ZNF678: variants seen among roughly 807,000 people sequenced by gnomAD.
ZNF678 encodes hypothetical protein MGC42493.
ZNF678 carries 5 observed loss-of-function variants against 3.0 expected under a neutral mutation model. That is an observed-to-expected ratio of 1.69 (90% confidence interval 0.88 to 3.56). The LOEUF is 3.56. Among genes scored for constraint, ZNF678 ranks in the 30% most tolerant of loss-of-function variants. The probability of loss-of-function intolerance (pLI) is 0.00; values close to 1 mark genes in which losing one functional copy is unlikely to be tolerated. For synonymous variants in ZNF678, 218 were observed against 199.6 expected (o/e 1.09, Z -0.78); for missense variants, 593 against 605.0 (o/e 0.98, Z 0.21).
intron 1 of ZNF678, among the ~76,000 whole-genome samples, chr1:227,571,838 C>T (rs568253286): frequency 3.4e-4 from 51 of 152,222 alleles, no homozygotes; most frequent in Admixed American, 2.0e-3. Flanking sequence ...GTCAGGAGAT[C>T]GAGACCATCC....
At chr1:227,630,287 T>C (rs1571899557) in intron 1 of ZNF678, among the ~76,000 whole-genome samples, 1 of 152,290 alleles carries the variant, frequency 6.6e-6, no homozygotes, top group Non-Finnish European at 1.5e-5. Flanking sequence ...TCCTTCTAGC[T>C]TGCAAGTTAG....
chr1:227,609,880 C>T (rs556389894), intron 1 of ZNF678, among the ~76,000 whole-genome samples: 9 of 152,090 alleles, frequency 5.9e-5, no homozygotes, highest in African/African-American at 1.9e-4. Flanking sequence ...ACTACAGGCG[C>T]GTGCCACCAC....
intron 1 of ZNF678, among the ~76,000 whole-genome samples, chr1:227,642,361 A>G (rs1232076340): frequency 6.6e-6 from 1 of 152,170 alleles, no homozygotes; most frequent in South Asian, 2.1e-4. Context: ...TCTTTTGGAG[A>G]GTAAAGCCTA....
chr1:227,633,151 G>T (rs1658592226), intron 1 of ZNF678, among the ~76,000 whole-genome samples: 2 of 152,198 alleles, frequency 1.3e-5, no homozygotes, highest in Non-Finnish European at 2.9e-5. Flanking sequence ...TCATTGGTGG[G>T]CCTGGCATGG....
At chr1:227,628,808 T>A (rs564545024) in intron 1 of ZNF678, among the ~76,000 whole-genome samples, 11 of 152,310 alleles carry the variant, frequency 7.2e-5, no homozygotes, top group African/African-American at 2.6e-4. Context: ...GGCTCAAGTC[T>A]TGGGCTAATA....
chr1:227,577,563 CT>C (rs1242108700), intron 1 of ZNF678, among the ~76,000 whole-genome samples: 3 of 152,094 alleles, frequency 2.0e-5, no homozygotes, highest in Non-Finnish European at 4.4e-5. Flanking sequence ...GCAAACCTTG[CT>C]TTTTTCTGTG....
intron 1 of ZNF678, among the ~76,000 whole-genome samples, chr1:227,600,130 G>T (rs1657699085): frequency 6.6e-6 from 1 of 152,076 alleles, no homozygotes; most frequent in Admixed American, 6.6e-5. Context: ...TTCTGTGAAG[G>T]ACATGATCTC....
In ZNF678 at chr1:227,654,848, A is replaced by G; in HGVS notation, c.598A>G (p.Lys200Glu). The G allele has an allele frequency of 6.2e-7, 1 of 1,608,940 alleles. No homozygotes were observed. Among genetic ancestry groups the G allele is most frequent in the Non-Finnish European group, 8.5e-7 (1 of 1,179,118 alleles). ...TTGGTGGTCACAACTAACTAGCCAT[A>G]AGAAAATTCATAGTGGAGAGAAACC... ...FNWWSQLTSH[K>E]KIHSGEKPYP... The change falls in exon 4 of 4, where the codon AAG becomes GAG. Residue 200 changes from lysine (K) to glutamate (E), a missense_variant. Lys to Glu is a moderately conservative substitution (Grantham distance 56, BLOSUM62 1). Transcript: ENST00000343776.
chr1:227,671,183 C>T (rs1659595680), intron 5 of ZNF678, among the ~76,000 whole-genome samples: 1 of 150,324 alleles, frequency 6.7e-6, no homozygotes, highest in Non-Finnish European at 1.5e-5. Flanking sequence ...CTTAAGCAAT[C>T]CTCTTGCCTT....
chr1:227,585,580 C>T (rs1334297459), intron 1 of ZNF678, among the ~76,000 whole-genome samples: 1 of 152,186 alleles, frequency 6.6e-6, no homozygotes, highest in African/African-American at 2.4e-5. Flanking sequence ...CGAGACCATA[C>T]TGGCCAACAT....
At chr1:227,668,173 GT>G (rs138556547) in intron 5 of ZNF678, among the ~76,000 whole-genome samples, 4,725 of 152,224 alleles carry the variant, frequency 0.031, 98 homozygotes, top group Non-Finnish European at 0.051. Flanking sequence ...TATCCCTGAA[GT>G]TTTGGGACAA....
At chr1:227,645,631 A>G (rs1224856874) in intron 1 of ZNF678, among the ~76,000 whole-genome samples, 1 of 152,158 alleles carries the variant, frequency 6.6e-6, no homozygotes, top group African/African-American at 2.4e-5. Flanking sequence ...CAAGATTCCC[A>G]TTGGAGATGG....
chr1:227,652,500 G>A (rs1659113888), intron 3 of ZNF678, among the ~76,000 whole-genome samples: 1 of 151,934 alleles, frequency 6.6e-6, no homozygotes, highest in African/African-American at 2.4e-5. Context: ...TGTTTTATTG[G>A]ATTCTTGTAG....
At chr1:227,663,082 G>T (rs1042673793), downstream of ZNF678, among the ~76,000 whole-genome samples, 1 of 152,134 alleles carries the variant, frequency 6.6e-6, no homozygotes, top group African/African-American at 2.4e-5. Flanking sequence ...AGAAGATCCT[G>T]TGAACACAGC....
Position 227,672,924 on chromosome 1 carries a change from C to T in ZNF678, c.227-4255C>T, listed in dbSNP as rs150211628. Among the ~76,000 whole-genome samples the T allele has an allele frequency of 1.2e-3, 181 of 152,288 alleles. 2 individuals are homozygous for T. In the South Asian group the frequency reaches 0.028, roughly 23 times the overall value. On this transcript the variant is annotated intron_variant, in intron 5 of 5. Coordinates refer to the ZNF678 transcript ENST00000608949. ...CATCCTTAAAGATAACTGTGGTTTT[C>T]TAACTGTTCCATCAGCCTAGGTGAC...
chr1:227,566,357 AAT>A (rs1392377678), intron 1 of ZNF678, among the ~76,000 whole-genome samples: 1 of 152,180 alleles, frequency 6.6e-6, no homozygotes, highest in Non-Finnish European at 1.5e-5. Context: ...AAAAGACAGA[AAT>A]AATTCCTGCC....
chr1:227,610,257 A>C (rs1447906412), intron 1 of ZNF678, among the ~76,000 whole-genome samples: 1 of 152,216 alleles, frequency 6.6e-6, no homozygotes, highest in Non-Finnish European at 1.5e-5. Context: ...TCACTAAGTT[A>C]GTCAATAACG....
At chr1:227,645,926 G>C (rs1161668173) in intron 1 of ZNF678, among the ~76,000 whole-genome samples, 1 of 152,136 alleles carries the variant, frequency 6.6e-6, no homozygotes, top group African/African-American at 2.4e-5. Flanking sequence ...AATAACTGAT[G>C]GGCATAAACC....
intron 1 of ZNF678, among the ~76,000 whole-genome samples, chr1:227,605,711 A>G (rs1321865917): frequency 6.6e-6 from 1 of 152,162 alleles, no homozygotes; most frequent in Admixed American, 6.5e-5. Flanking sequence ...CATTTTATGG[A>G]TATTATTAAC....
Sources: gnomAD v4.1 joint callset for allele counts (sites outside exome capture counted in the v4.1 genomes callset) on GRCh38, gnomAD v4.1.1 for gene constraint, MANE v1.5 for transcripts, NCBI Gene and HGNC (gene_info 2026-07-23, HGNC 2026-07-21) for gene names.